Variants in ANPEP observed in about 807,000 individuals in gnomAD.
ANPEP encodes alanyl aminopeptidase, membrane.
ANPEP carries 70 observed loss-of-function variants against 114.6 expected under a neutral mutation model. The observed-to-expected ratio is 0.61, with a 90% CI of 0.50 to 0.75. ANPEP has a LOEUF of 0.75. ANPEP is among the 30% of genes least tolerant of loss of function. The probability of loss-of-function intolerance (pLI) is 0.00; values close to 1 mark genes in which losing one functional copy is unlikely to be tolerated. For synonymous variants in ANPEP, 548 were observed against 522.3 expected (o/e 1.05, Z -0.67); for missense variants, 1,184 against 1,259.5 (o/e 0.94, Z 0.91).
chr15:89,805,289 TG>T (rs1894686716), intron 3 of ANPEP, 31 bp downstream of exon 3: 1 of 1,612,960 alleles, frequency 6.2e-7, no homozygotes, highest in Non-Finnish European at 8.5e-7. Flanking sequence ...GCCTGCCCCC[TG>T]GCCCTGTGGC....
chr15:89,814,285 G>A (rs1373963632), intron 1 of ANPEP, among the ~76,000 whole-genome samples: 2 of 152,222 alleles, frequency 1.3e-5, no homozygotes, highest in African/African-American at 4.8e-5. Context: ...TTTAGACCGA[G>A]GAGCGAGATC....
At chr15:89,787,331 C>T (rs897502731) in intron 20 of ANPEP, among the ~76,000 whole-genome samples, 130 of 152,190 alleles carry the variant, frequency 8.5e-4, no homozygotes, top group Admixed American at 4.4e-3. Flanking sequence ...AGGCGTGAGC[C>T]GCCATGCCTG....
Position 89,801,565 on chromosome 15 carries a change from C to A in ANPEP, c.1612G>T (p.Asp538Tyr). The A allele has an allele frequency of 6.2e-7, 1 of 1,614,110 alleles. No individual in the cohort carries two copies. The highest frequency in any genetic ancestry group is 8.5e-7 in the Non-Finnish European group (1 of 1,179,966). Residue 538 changes from aspartate to tyrosine, a missense_variant, in exon 11 of 21, where the codon GAC becomes TAC. By Grantham distance (160) the Asp-to-Tyr change is radical. Transcript: ENST00000300060. The stretch of plus-strand genomic sequence containing the variant: ...TGCAGGGTCCAGCGGTTCATGATGT[C>A]CCGCACGGTGGTGGGGAGTTGGATG... ...RSIQLPTTVRDIMNRWTLQMG... is the reference protein window; with the variant it reads ...RSIQLPTTVRYIMNRWTLQMG...
rs1968596532 is a variant in ANPEP, at chr15:89,790,362, G to T, written c.2751+98C>A. ...AATGAGGAAGGCCTGGCGGCGTGGA[G>T]CCTGTGCTCCCTCAGGGCCACGTGG... On this transcript the variant is annotated intron_variant, in intron 20 of 20. Transcript: ENST00000300060. The T allele has an allele frequency of 1.3e-5, 14 of 1,105,380 alleles. No individual in the cohort carries two copies. The South Asian group carries it at 1.5e-4, about 12-fold the overall frequency. The allele number at this position is 1,105,380 out of a possible 1,614,324, so 68.5% of individuals were successfully genotyped here. A position where few individuals can be genotyped will look rare whatever the true frequency, so the allele number is the denominator to read the frequency against.
In ANPEP at chr15:89,806,646, C is replaced by T; in HGVS notation, c.-63G>A. ...AGGCAGAGAACGGAGCAGCCCCAGGCCGGGCTTATATCCCCAAAGGGGAGG... is the reference window on the plus strand; with the variant it reads ...AGGCAGAGAACGGAGCAGCCCCAGGTCGGGCTTATATCCCCAAAGGGGAGG... On this transcript the variant is annotated 5_prime_UTR_variant, in exon 2 of 21. Transcript: ENST00000300060. The surrounding 1 kb of genome is among the most constrained non-coding windows in gnomAD (Gnocchi z 5.7). The T allele has an allele frequency of 1.4e-6, 2 of 1,477,964 alleles. No individual in the cohort carries two copies. Among genetic ancestry groups the T allele is most frequent in the East Asian group, 2.5e-5 (1 of 40,724 alleles). 91.6% of individuals were successfully genotyped at this position (1,477,964 alleles called of 1,614,324 possible). A position where few individuals can be genotyped will look rare whatever the true frequency, so the allele number is the denominator to read the frequency against.
chr15:89,807,182 C>G (rs1188763830), intron 1 of ANPEP, among the ~76,000 whole-genome samples: 1 of 152,226 alleles, frequency 6.6e-6, no homozygotes, highest in African/African-American at 2.4e-5. Flanking sequence ...CCTGCCGCTT[C>G]TTGCCAAATA....
At chr15:89,791,511 T>C (rs28459313) in intron 18 of ANPEP, among the ~76,000 whole-genome samples, 47,650 of 151,678 alleles carry the variant, frequency 0.31, 7,726 homozygotes, top group African/African-American at 0.37. Flanking sequence ...GATTTGGGCT[T>C]ACTGTAACCT....
At position 89,806,313 on chromosome 15, in the gene ANPEP, G is replaced by A. The variant is rs1894712701; in HGVS notation, c.271C>T (p.Pro91Ser). 1.9e-6 allele frequency: 3 copies of A among 1,614,072 alleles called. No homozygotes were observed. Among genetic ancestry groups the A allele is most frequent in the Non-Finnish European group, 2.5e-6 (3 of 1,179,980 alleles). The change falls in exon 2 of 21, where the codon CCG becomes TCG. Residue 91 changes from proline (P) to serine (S), a missense_variant. Pro to Ser is a moderately conservative substitution (Grantham distance 74). Coordinates refer to ENST00000300060, the MANE Select transcript of ANPEP (RefSeq NM_001150.3). This position sits in a 1 kb window ranked among gnomAD's most constrained non-coding sequence, Gnocchi z 5.7. ...CCCCTGTCATTGGGGGTGAGGTACG[G>A]TCTCAGCGTCACCCGGTAGGAATCG... ...KPDSYRVTLR[P>S]YLTPNDRGLY...
intron 1 of ANPEP, among the ~76,000 whole-genome samples, chr15:89,807,563 G>C (rs562144618): frequency 4.6e-5 from 7 of 152,148 alleles, no homozygotes; most frequent in Non-Finnish European, 8.8e-5. Context: ...TTAGTTGGGC[G>C]TGGTGGCGGG....
At chr15:89,795,532 A>G (rs940061532) in intron 15 of ANPEP, among the ~76,000 whole-genome samples, 2 of 152,210 alleles carry the variant, frequency 1.3e-5, no homozygotes, top group African/African-American at 4.8e-5. Flanking sequence ...AAGTTTCCAG[A>G]AGGGAGGAAA....
intron 1 of ANPEP, among the ~76,000 whole-genome samples, chr15:89,813,758 C>A (rs1894855974): frequency 6.6e-6 from 1 of 152,218 alleles, no homozygotes; most frequent in Non-Finnish European, 1.5e-5. Flanking sequence ...CCCTCTGGTC[C>A]AAGCCTCCCC....
chr15:89,801,651 A>T, intron 10 of ANPEP, 44 bp from the exon 11 acceptor site: 4 of 1,594,534 alleles, frequency 2.5e-6, no homozygotes, highest in Non-Finnish European at 3.4e-6. Context: ...GGGACCCTCC[A>T]GTCCCTGCCA....
Position 89,806,391 on chromosome 15 carries a change from A to AGGT in ANPEP, c.190_192dup (p.Thr64dup). The AGGT allele has an allele frequency of 1.2e-6, 2 of 1,613,918 alleles. No individual in the cohort carries two copies. Among genetic ancestry groups the AGGT allele is most frequent in the Non-Finnish European group, 8.5e-7 (1 of 1,179,964 alleles). On this transcript the variant is annotated inframe_insertion, in exon 2 of 21. Transcript: ENST00000300060. This position sits in a 1 kb window ranked among gnomAD's most constrained non-coding sequence, Gnocchi z 5.7. ...CGATTCCACGCTTTACTTTGGTCCA[A>AGGT]GGTGGTGGCCGAGGCGGGGTTGGTG...
At chr15:89,791,157 T>C in intron 18 of ANPEP, 64 bp from the exon 19 acceptor site, 4 of 1,571,204 alleles carry the variant, frequency 2.5e-6, no homozygotes, top group Admixed American at 1.7e-5. Flanking sequence ...GAACTTGGAC[T>C]GTCCCACGCA....
At chr15:89,790,633 A>G in intron 19 of ANPEP, 92 bp from the exon 20 acceptor site, 1 of 1,190,116 alleles carries the variant, frequency 8.4e-7, no homozygotes, top group Non-Finnish European at 1.2e-6. Context: ...ATGATTATAG[A>G]GGAGATGAAA....
intron 2 of ANPEP, 113 bp downstream of exon 2, chr15:89,805,857 C>G: frequency 6.4e-6 from 9 of 1,416,018 alleles, no homozygotes; most frequent in South Asian, 2.8e-5. Flanking sequence ...GGGCCAGTCT[C>G]GGGCTCCACA....
chr15:89,793,577 C>A (rs925196144), intron 15 of ANPEP, among the ~76,000 whole-genome samples: 1 of 151,872 alleles, frequency 6.6e-6, no homozygotes, highest in Non-Finnish European at 1.5e-5. Flanking sequence ...GTGGTGCACA[C>A]CTGTATTCCC....
chr15:89,809,607 G>A (rs531381853), intron 1 of ANPEP, among the ~76,000 whole-genome samples: 17 of 152,224 alleles, frequency 1.1e-4, no homozygotes, highest in Middle Eastern at 3.4e-3. Context: ...GGCTTCCCTC[G>A]TCCAGTCCCC....
intron 16 of ANPEP, 73 bp from the exon 17 acceptor site, chr15:89,792,635 C>A: frequency 7.5e-7 from 1 of 1,338,982 alleles, no homozygotes. Flanking sequence ...ACACACAACC[C>A]CAGGCCGGCA....
Sources: allele counts gnomAD v4.1 joint callset (sites outside exome capture counted in the v4.1 genomes callset), GRCh38; gene constraint gnomAD v4.1.1; non-coding constraint Gnocchi (gnomAD v3.1); transcripts MANE v1.5; gene names NCBI Gene and HGNC (gene_info 2026-07-23, HGNC 2026-07-21).